TRERF1: variants seen among roughly 807,000 people sequenced by gnomAD.
TRERF1 encodes transcriptional regulating factor 1, also known as transcriptional-regulating factor 1.
A neutral mutation model predicts 122.9 loss-of-function variants in TRERF1; 27 were observed. The ratio of observed to expected loss-of-function variants is 0.22; its 90% CI spans 0.16 to 0.30. TRERF1 has a LOEUF of 0.30. Among genes scored for constraint, TRERF1 ranks in the 10% least tolerant of loss-of-function variants. The pLI, the probability that TRERF1 is intolerant of heterozygous loss-of-function variation, is 1.00. For synonymous variants in TRERF1, 636 were observed against 641.7 expected (o/e 0.99, Z 0.13); for missense variants, 1,248 against 1,560.3 (o/e 0.80, Z 3.37).
intron 3 of TRERF1, among the ~76,000 whole-genome samples, chr6:42,309,377 C>T (rs1396261084): frequency 6.6e-6 from 1 of 152,202 alleles, no homozygotes; most frequent in East Asian, 1.9e-4. Flanking sequence ...ACAGAGCTAA[C>T]AATGGATTCA....
At chr6:42,260,431 G>C (rs1003213339) in intron 8 of TRERF1, among the ~76,000 whole-genome samples, 5 of 152,154 alleles carry the variant, frequency 3.3e-5, no homozygotes, top group African/African-American at 1.2e-4. Flanking sequence ...TTTAATGGCA[G>C]CGGAACCAAG....
At chr6:42,365,163 G>A (rs964713941) in intron 2 of TRERF1, among the ~76,000 whole-genome samples, 4 of 152,098 alleles carry the variant, frequency 2.6e-5, no homozygotes, top group Non-Finnish European at 4.4e-5. Flanking sequence ...TATCAAGTGC[G>A]GGCGTGGCCC....
intron 2 of TRERF1, among the ~76,000 whole-genome samples, chr6:42,420,054 A>G (rs1782537351): frequency 6.6e-6 from 1 of 152,136 alleles, no homozygotes; most frequent in Non-Finnish European, 1.5e-5. Context: ...CACAACCTCA[A>G]CCAACCTCTA....
chr6:42,317,417 T>C (rs1192795797), intron 3 of TRERF1, among the ~76,000 whole-genome samples: 1 of 152,012 alleles, frequency 6.6e-6, no homozygotes, highest in South Asian at 2.1e-4. Context: ...TGCAGTGGCA[T>C]GATCATGGCT....
chr6:42,344,988 G>A (rs528782217), intron 3 of TRERF1, among the ~76,000 whole-genome samples: 65 of 152,340 alleles, frequency 4.3e-4, no homozygotes, highest in African/African-American at 1.5e-3. Flanking sequence ...TGGTAAGCAT[G>A]TGGTATTTGC....
intron 13 of TRERF1, among the ~76,000 whole-genome samples, chr6:42,248,789 G>A (rs1775241522): frequency 6.6e-6 from 1 of 152,190 alleles, no homozygotes; most frequent in Non-Finnish European, 1.5e-5. Flanking sequence ...CCTCAGGGGG[G>A]CTGGGGGTTT....
chr6:42,288,510 G>A (rs36196884), intron 4 of TRERF1, among the ~76,000 whole-genome samples: 4,103 of 149,180 alleles, frequency 0.028, 58 homozygotes, highest in Non-Finnish European at 0.037. Flanking sequence ...GGAGGTTGCC[G>A]TGAGCCAAGA....
chr6:42,253,941 G>T (rs115529113), intron 13 of TRERF1, among the ~76,000 whole-genome samples: 166 of 152,328 alleles, frequency 1.1e-3, no homozygotes, highest in Non-Finnish European at 2.0e-3. Flanking sequence ...AAATCAAGAG[G>T]CACTGAAAAT....
chr6:42,338,231 G>A (rs1766582104), intron 3 of TRERF1, among the ~76,000 whole-genome samples: 1 of 152,212 alleles, frequency 6.6e-6, no homozygotes, highest in African/African-American at 2.4e-5. Context: ...GGGCACCATG[G>A]GGAAAGGAGG....
chr6:42,278,231 G>A (rs529200802), intron 4 of TRERF1, among the ~76,000 whole-genome samples: 1 of 152,316 alleles, frequency 6.6e-6, no homozygotes, highest in Admixed American at 6.5e-5. Flanking sequence ...TGTTTAGGGG[G>A]CAAATGCACG....
At chr6:42,399,187 A>C (rs1453707914) in intron 2 of TRERF1, among the ~76,000 whole-genome samples, 1 of 152,244 alleles carries the variant, frequency 6.6e-6, no homozygotes, top group African/African-American at 2.4e-5. Context: ...AAGAGAAATG[A>C]AACAGAATGT....
intron 2 of TRERF1, among the ~76,000 whole-genome samples, chr6:42,423,128 C>T (rs529525555): frequency 5.3e-5 from 8 of 152,284 alleles, no homozygotes; most frequent in Middle Eastern, 3.4e-3. Context: ...CATGAGCCAC[C>T]GTGCCCAGCC....
chr6:42,297,433 A>G (rs552911159), intron 4 of TRERF1, among the ~76,000 whole-genome samples: 1 of 152,316 alleles, frequency 6.6e-6, no homozygotes, highest in Non-Finnish European at 1.5e-5. Context: ...AAGTTTCCCA[A>G]TGACAGCAGC....
chr6:42,397,067 G>T (rs999367072), intron 2 of TRERF1, among the ~76,000 whole-genome samples: 5 of 152,172 alleles, frequency 3.3e-5, no homozygotes, highest in Non-Finnish European at 7.3e-5. Context: ...GAGATAAAAG[G>T]CAAGATGCTC....
intron 3 of TRERF1, among the ~76,000 whole-genome samples, chr6:42,334,103 G>A (rs1245420341): frequency 6.6e-6 from 1 of 152,020 alleles, no homozygotes; most frequent in East Asian, 1.9e-4. Flanking sequence ...GTGTGTGTGT[G>A]TTTTTGTGTA....
exon 16 of TRERF1, chr6:42,236,358 T>G: frequency 6.4e-7 from 1 of 1,572,638 alleles, no homozygotes; most frequent in Non-Finnish European, 8.6e-7. Context: ...ATTTCCTATC[T>G]TCTTCCGGGT....
rs1403062076 is a variant in TRERF1 at position 42,393,362 on chromosome 6, T to C, written c.-453-30283A>G. 6.6e-6 allele frequency among the ~76,000 whole-genome samples: 1 copy of C among 152,204 alleles called. No individual in the cohort carries two copies. Among genetic ancestry groups the C allele is most frequent in the Non-Finnish European group, 1.5e-5 (1 of 68,032 alleles). On this transcript the variant is annotated intron_variant, in intron 2 of 17. Transcript: ENST00000372922. This position sits in a 1 kb window ranked among gnomAD's most constrained non-coding sequence, Gnocchi z 4.1. ...GTGACATTGTCAGGGCTTGAACCAG[T>C]ATCTTCTGGGGCAGCCAAGGCCTCT...
chr6:42,419,736 G>A (rs1316361599), intron 2 of TRERF1, among the ~76,000 whole-genome samples: 3 of 152,172 alleles, frequency 2.0e-5, no homozygotes, highest in Non-Finnish European at 4.4e-5. Context: ...CTCCATGGTG[G>A]GGATTAGGTC....
At chr6:42,407,916 C>T (rs1780426369) in intron 2 of TRERF1, among the ~76,000 whole-genome samples, 1 of 151,330 alleles carries the variant, frequency 6.6e-6, no homozygotes, top group Non-Finnish European at 1.5e-5. Flanking sequence ...CTGTCTATCT[C>T]GTATCAAGTG....
Sources: gnomAD v4.1 joint callset for allele counts (sites outside exome capture counted in the v4.1 genomes callset) on GRCh38, gnomAD v4.1.1 for gene constraint, Gnocchi (gnomAD v3.1) non-coding constraint, MANE v1.5 for transcripts, NCBI Gene and HGNC (gene_info 2026-07-23, HGNC 2026-07-21) for gene names.